Variants in SRGAP2 observed in about 807,000 individuals in gnomAD.
The protein encoded by SRGAP2 is SLIT-ROBO Rho GTPase-activating protein 2.
SRGAP2 carries 15 observed loss-of-function variants against 57.2 expected under a neutral mutation model. The observed-to-expected ratio is 0.26, with a 90% CI of 0.18 to 0.40. SRGAP2 has a LOEUF of 0.40. Among genes scored for constraint, SRGAP2 ranks in the 10% least tolerant of loss-of-function variants. The pLI is 1.00. For missense variants in SRGAP2, 520 were observed against 669.6 expected, an observed-to-expected ratio of 0.78 and a Z score of 2.47; for synonymous variants, 249 against 248.0, an observed-to-expected ratio of 1.00 and a Z score of -0.04.
chr1:206,445,138 A>G (rs1024153700), intron 17 of SRGAP2, among the ~76,000 whole-genome samples: 2 of 152,186 alleles, frequency 1.3e-5, no homozygotes, highest in Non-Finnish European at 1.5e-5. Flanking sequence ...AATCCTGCCC[A>G]TGCCTATAAG....
intron 4 of SRGAP2, among the ~76,000 whole-genome samples, chr1:206,373,708 C>T (rs1161679291): frequency 1.3e-5 from 1 of 74,762 alleles, no homozygotes; most frequent in African/African-American, 5.5e-5. Context: ...GCACTCCAGC[C>T]TGGTGATAGA....
At chr1:206,237,241 G>A (rs868987807) in intron 2 of SRGAP2, among the ~76,000 whole-genome samples, 61 of 152,222 alleles carry the variant, frequency 4.0e-4, no homozygotes, top group Admixed American at 5.2e-4. Flanking sequence ...CAGTCTGGGC[G>A]ACAGAGCCAC....
intron 13 of SRGAP2, among the ~76,000 whole-genome samples, chr1:206,429,050 C>T (rs1661061550): frequency 6.6e-6 from 1 of 152,192 alleles, no homozygotes; most frequent in Admixed American, 6.5e-5. Context: ...CCTCACACCT[C>T]TTTAAATTCC....
chr1:206,302,680 T>C (rs1457382852), intron 2 of SRGAP2, among the ~76,000 whole-genome samples: 5 of 152,120 alleles, frequency 3.3e-5, no homozygotes, highest in African/African-American at 1.2e-4. Flanking sequence ...TTGCTACCAT[T>C]TGACCTTGGG....
chr1:206,323,640 T>G (rs1429508676), intron 3 of SRGAP2, among the ~76,000 whole-genome samples: 1 of 149,184 alleles, frequency 6.7e-6, no homozygotes, highest in East Asian at 2.0e-4. Context: ...CTGTACTGTT[T>G]ACCAGCAGCT....
intron 2 of SRGAP2, among the ~76,000 whole-genome samples, chr1:206,229,966 A>ACACC (rs1553306533): frequency 2.7e-5 from 4 of 148,542 alleles, no homozygotes; most frequent in East Asian, 2.0e-4. Flanking sequence ...ACACACACAC[A>ACACC]CCTTACCTTA....
chr1:206,394,233 G>C (rs1180699757), intron 7 of SRGAP2, among the ~76,000 whole-genome samples: 2 of 147,264 alleles, frequency 1.4e-5, no homozygotes, highest in African/African-American at 5.0e-5. Flanking sequence ...TTTTAGTAGA[G>C]ATGGGGTTTC....
chr1:206,312,055 G>A (rs1553324338), intron 3 of SRGAP2: 1 of 152,198 alleles, frequency 6.6e-6, no homozygotes, highest in East Asian at 1.9e-4. Context: ...TCTAGGACTG[G>A]TCCCAGAATA....
intron 3 of SRGAP2, among the ~76,000 whole-genome samples, chr1:206,327,094 A>G (rs1244783679): frequency 4.6e-5 from 7 of 152,196 alleles, no homozygotes; most frequent in African/African-American, 1.2e-4. Flanking sequence ...TGGGAGGCCA[A>G]TGTGGACAGA....
intron 2 of SRGAP2, among the ~76,000 whole-genome samples, chr1:206,273,687 T>A (rs1327621943): frequency 6.7e-6 from 1 of 150,074 alleles, no homozygotes; most frequent in Admixed American, 6.6e-5. Flanking sequence ...AGGACAGCAG[T>A]GTGTAAGCTC....
At chr1:206,327,197 C>T (rs1673987301) in intron 3 of SRGAP2, among the ~76,000 whole-genome samples, 1 of 152,010 alleles carries the variant, frequency 6.6e-6, no homozygotes. Flanking sequence ...CATGGTGGCA[C>T]ATGCCTGTAA....
At chr1:206,423,665 G>A (rs1241628772) in intron 13 of SRGAP2, among the ~76,000 whole-genome samples, 2 of 152,114 alleles carry the variant, frequency 1.3e-5, no homozygotes, top group African/African-American at 2.4e-5. Context: ...TGGTAAAAAT[G>A]AAAATTAACA....
chr1:206,375,302 A>G (rs1295143465), intron 4 of SRGAP2, among the ~76,000 whole-genome samples: 2 of 151,738 alleles, frequency 1.3e-5, no homozygotes, highest in African/African-American at 4.8e-5. Flanking sequence ...ACTCAAGGAT[A>G]CCCACAGTCA....
chr1:206,293,038 C>T (rs1671414941), intron 2 of SRGAP2, among the ~76,000 whole-genome samples: 1 of 152,178 alleles, frequency 6.6e-6, no homozygotes. Flanking sequence ...GAAGTAAACT[C>T]TCCAGAGCCA....
chr1:206,278,636 C>G (rs1670556928), intron 2 of SRGAP2, among the ~76,000 whole-genome samples: 1 of 145,516 alleles, frequency 6.9e-6, no homozygotes, highest in Non-Finnish European at 1.5e-5. Flanking sequence ...ACTGGGATTA[C>G]AGGTGTGAGC....
intron 3 of SRGAP2, among the ~76,000 whole-genome samples, chr1:206,335,883 A>G (rs781830552): frequency 1.0e-3 from 153 of 152,000 alleles, no homozygotes; most frequent in Non-Finnish European, 1.6e-3. Context: ...CTCACTTAAC[A>G]TAAATTGATG....
intron 10 of SRGAP2, among the ~76,000 whole-genome samples, chr1:206,412,792 G>A (rs916289243): frequency 6.6e-6 from 1 of 152,158 alleles, no homozygotes; most frequent in African/African-American, 2.4e-5. Flanking sequence ...TATCCCCAAC[G>A]AGTCTCTCAT....
intron 4 of SRGAP2, among the ~76,000 whole-genome samples, chr1:206,356,654 A>G (rs1676458344): frequency 6.6e-6 from 1 of 151,420 alleles, no homozygotes; most frequent in African/African-American, 2.4e-5. Flanking sequence ...TGACTCCCCT[A>G]TTTATCTTTG....
At position 206,433,491 on chromosome 1, in the gene SRGAP2, A is replaced by G. The variant is rs920095386; in HGVS notation, c.1555+3269A>G. 2.0e-4 allele frequency among the ~76,000 whole-genome samples: 30 copies of G among 152,256 alleles called. 1 individual carries two copies. Among genetic ancestry groups the G allele is most frequent in the African/African-American group, 6.7e-4 (28 of 41,548 alleles). On this transcript the variant is annotated intron_variant, in intron 14 of 22. Coordinates refer to ENST00000573034, the MANE Select transcript of SRGAP2 (RefSeq NM_015326.5). ...CTGTCTCTACTAAAAATACAAAAAA[A>G]TTAGCTGGGTGTGGTGTTGGGCACC...
Sources: allele counts gnomAD v4.1 joint callset (sites outside exome capture counted in the v4.1 genomes callset), GRCh38; gene constraint gnomAD v4.1.1; transcripts MANE v1.5; gene names NCBI Gene and HGNC (gene_info 2026-07-23, HGNC 2026-07-21).